The following GUCA1C variants were observed in gnomAD, a reference collection of about 807,000 sequenced individuals.
The protein encoded by GUCA1C is guanylyl cyclase-activating protein 3.
Under a neutral mutation model 16.2 loss-of-function variants are expected in GUCA1C, and 15 were observed. That is an observed-to-expected ratio of 0.93 (90% CI 0.62 to 1.43). GUCA1C has a LOEUF of 1.43. GUCA1C is among the 40% of genes most tolerant of loss of function. The pLI is 0.00. For synonymous variants in GUCA1C, 78 were observed against 85.4 expected (o/e 0.91, Z 0.48); for missense variants, 275 against 244.8 (o/e 1.12, Z -0.82).
At chr3:108,909,450 A>G (rs565697441) in intron 3 of GUCA1C, among the ~76,000 whole-genome samples, 1 of 152,264 alleles carries the variant, frequency 6.6e-6, no homozygotes, top group East Asian at 1.9e-4. Context: ...CGGGGTAGGG[A>G]ACCTCAAACA....
At chr3:108,953,501 AAG>A in intron 1 of GUCA1C, 56 bp downstream of exon 1, 2 of 1,139,314 alleles carry the variant, frequency 1.8e-6, no homozygotes, top group Non-Finnish European at 2.6e-6. Flanking sequence ...AAAAAAAAAA[AAG>A]GGAAGAGTGC....
intron 1 of GUCA1C, among the ~76,000 whole-genome samples, chr3:108,944,442 C>A (rs569342381): frequency 6.0e-4 from 91 of 152,204 alleles, no homozygotes; most frequent in African/African-American, 2.0e-3. Flanking sequence ...GTGATTGAGG[C>A]CCTGAATTTT....
In GUCA1C at chr3:108,908,180, C is replaced by T; in HGVS notation, c.472G>A (p.Gly158Ser). ...GELTLEEFIN[G>S]MAKDQDLLEI... ...AGGAGATCCTGATCTTTTGCCATGC[C>T]ATTGATAAATTCTTCTAAAGTCAAT... The change falls in exon 4 of 4, where the codon GGC becomes AGC. Residue 158 changes from glycine to serine, a missense_variant. Gly to Ser is a moderately conservative substitution (Grantham distance 56, BLOSUM62 0). Coordinates refer to ENST00000261047, the MANE Select transcript of GUCA1C (RefSeq NM_005459.4). The T allele has an allele frequency of 3.7e-6, 6 of 1,613,496 alleles. No homozygotes were observed. In the Middle Eastern group the frequency reaches 9.9e-4, roughly 266 times the overall value.
chr3:108,929,964 T>C (rs1388280026), intron 1 of GUCA1C, among the ~76,000 whole-genome samples: 1 of 152,242 alleles, frequency 6.6e-6, no homozygotes, highest in East Asian at 1.9e-4. Context: ...GAAGATTATT[T>C]AAGGACTGCA....
chr3:108,909,421 TC>T (rs1392202282), intron 3 of GUCA1C, among the ~76,000 whole-genome samples: 1 of 151,018 alleles, frequency 6.6e-6, no homozygotes, highest in African/African-American at 2.4e-5. Flanking sequence ...CAGGGGAGAG[TC>T]CCATGGGTCA....
At chr3:108,921,339 A>T (rs758127915) in intron 1 of GUCA1C, among the ~76,000 whole-genome samples, 16 of 152,140 alleles carry the variant, frequency 1.1e-4, no homozygotes, top group Non-Finnish European at 1.3e-4. Flanking sequence ...TTATTTATCC[A>T]TTCACTTCCT....
chr3:108,916,357 A>G (rs573532842), intron 2 of GUCA1C, 143 bp from the exon 3 acceptor site: 4 of 683,186 alleles, frequency 5.9e-6, no homozygotes, highest in African/African-American at 1.8e-5. Flanking sequence ...GTAAATAAAA[A>G]GAAAAGATTG....
intron 1 of GUCA1C, among the ~76,000 whole-genome samples, chr3:108,943,222 G>C (rs1294162950): frequency 6.6e-6 from 1 of 152,160 alleles, no homozygotes; most frequent in Non-Finnish European, 1.5e-5. Context: ...AGAGTTGCCA[G>C]GTATCGAGGG....
intron 3 of GUCA1C, among the ~76,000 whole-genome samples, chr3:108,912,103 C>CAATAATAATAATAATAATACT: frequency 8.0e-6 from 1 of 125,700 alleles, no homozygotes; most frequent in Non-Finnish European, 1.8e-5. Context: ...GACTCCGTCT[C>CAATAATAATAATAATAATACT]AATAATAATA....
chr3:108,953,711 C>T lies in GUCA1C; in HGVS notation c.52G>A (p.Glu18Lys). The T allele has an allele frequency of 6.2e-7, 1 of 1,613,506 alleles. No homozygotes were observed. Among genetic ancestry groups the T allele is most frequent in the Non-Finnish European group, 8.5e-7 (1 of 1,179,454 alleles). The change falls in exon 1 of 4, where the codon GAG becomes AAG. Residue 18 changes from glutamate to lysine, a missense_variant. Physicochemically the swap from Glu to Lys is moderately conservative, Grantham distance 56. Transcript: ENST00000261047. ...AGDQKAVPTQ[E>K]THVWYRTFMM... is the part of the protein sequence containing the mutation. ...AATGTTCTGTACCACACATGGGTCT[C>T]TTGTGTAGGAACTGCTTTCTGATCA... is the stretch of plus-strand genomic sequence containing the variant.
chr3:108,931,317 TG>T, intron 1 of GUCA1C, among the ~76,000 whole-genome samples: 1 of 152,346 alleles, frequency 6.6e-6, no homozygotes, highest in Non-Finnish European at 1.5e-5. Context: ...GTACAGTACA[TG>T]GGTGGTCCTA....
At chr3:108,932,323 C>CAAA (rs71106610) in intron 1 of GUCA1C, among the ~76,000 whole-genome samples, 35 of 102,028 alleles carry the variant, frequency 3.4e-4, no homozygotes, top group African/African-American at 7.8e-4. Context: ...GACCTCCCAC[C>CAAA]AAAAAAAAAA....
intron 3 of GUCA1C, chr3:108,915,924 C>A (rs893101168): frequency 2.7e-5 from 16 of 588,110 alleles, no homozygotes; most frequent in African/African-American, 2.6e-4. Context: ...ACATGTCAAG[C>A]ACCACACATT....
chr3:108,931,876 T>C (rs1226957151), intron 1 of GUCA1C, among the ~76,000 whole-genome samples: 5 of 146,614 alleles, frequency 3.4e-5, no homozygotes, highest in Non-Finnish European at 7.5e-5. Context: ...TTTTTTTTTT[T>C]TTTTTTTTTT....
At chr3:108,909,123 T>C (rs974564185) in intron 3 of GUCA1C, among the ~76,000 whole-genome samples, 6 of 152,184 alleles carry the variant, frequency 3.9e-5, no homozygotes, top group African/African-American at 1.4e-4. Context: ...AAGACAAATA[T>C]CTAAAATACC....
At chr3:108,917,741 G>A (rs1382615036) in intron 2 of GUCA1C, among the ~76,000 whole-genome samples, 1 of 151,948 alleles carries the variant, frequency 6.6e-6, no homozygotes, top group Non-Finnish European at 1.5e-5. Flanking sequence ...TCCCTTTCCC[G>A]CTTAGAATTT....
intron 1 of GUCA1C, among the ~76,000 whole-genome samples, chr3:108,931,861 C>CT (rs1491052023): frequency 3.4e-5 from 2 of 58,072 alleles, no homozygotes; most frequent in African/African-American, 6.9e-5. Context: ...TTTTTTTCTT[C>CT]CTTCTTTTTT....
intron 1 of GUCA1C, among the ~76,000 whole-genome samples, chr3:108,948,197 G>GGAGA (rs1490249505): frequency 1.3e-5 from 2 of 150,720 alleles, no homozygotes; most frequent in Non-Finnish European, 1.5e-5. Flanking sequence ...TTCAATGTTG[G>GGAGA]GAGAGGGACC....
In GUCA1C at chr3:108,907,842, C is replaced by T; in HGVS notation, c.*180G>A. 1 of 548,702 alleles carries T rather than the reference C, an allele frequency of 1.8e-6. No individual in the cohort carries two copies. The highest frequency in any genetic ancestry group is 2.8e-5 in the South Asian group (1 of 35,678). The allele number at this position is 548,702 out of a possible 1,614,324, so 34.0% of individuals were successfully genotyped here. A position where few individuals can be genotyped will look rare whatever the true frequency, so the allele number is the denominator to read the frequency against. On this transcript the variant is annotated 3_prime_UTR_variant, in exon 4 of 4. Transcript: ENST00000261047. ...CTGCAGAGACAGCACAGAAAAGCAA[C>T]AATGCATCTGTTTAGGATCTTTATG...
Sources: allele counts gnomAD v4.1 joint callset (sites outside exome capture counted in the v4.1 genomes callset), GRCh38; gene constraint gnomAD v4.1.1; transcripts MANE v1.5; gene names NCBI Gene and HGNC (gene_info 2026-07-23, HGNC 2026-07-21).